The following KIF15 variants were observed in gnomAD, a reference collection of about 807,000 sequenced individuals.
KIF15 encodes the protein kinesin-like protein KIF15.
In KIF15, 140 loss-of-function variants were observed where a neutral mutation model predicts 190.6. That is an observed-to-expected ratio of 0.73 (90% CI 0.64 to 0.84). The LOEUF is 0.84. KIF15 is among the 40% of genes least tolerant of loss of function. The pLI is 0.00. For synonymous variants in KIF15, 528 were observed against 551.3 expected (o/e 0.96, Z 0.59); for missense variants, 1,372 against 1,584.4 (o/e 0.87, Z 2.28).
At chr3:44,764,083 G>T (rs1705282761) in intron 1 of KIF15, among the ~76,000 whole-genome samples, 1 of 152,200 alleles carries the variant, frequency 6.6e-6, no homozygotes, top group Non-Finnish European at 1.5e-5. Flanking sequence ...CTGTTTTAAA[G>T]CAGGAAGACT....
chr3:44,810,799 C>A, intron 16 of KIF15, 47 bp from the exon 17 acceptor site: 1 of 1,437,790 alleles, frequency 7.0e-7, no homozygotes. Flanking sequence ...TAAATATGCC[C>A]TTTTTAAATA....
intron 26 of KIF15, among the ~76,000 whole-genome samples, chr3:44,834,080 A>G (rs767540316): frequency 3.9e-5 from 6 of 152,162 alleles, no homozygotes; most frequent in Non-Finnish European, 7.4e-5. Context: ...GACTACGAAT[A>G]TTGTATTTAG....
chr3:44,790,971 G>A (rs937443852), intron 7 of KIF15, among the ~76,000 whole-genome samples: 3 of 152,152 alleles, frequency 2.0e-5, no homozygotes, highest in Non-Finnish European at 4.4e-5. Context: ...GCGAGCCACT[G>A]GGCCCGGCCC....
intron 1 of KIF15, among the ~76,000 whole-genome samples, chr3:44,763,143 A>T (rs1457703630): frequency 6.6e-6 from 1 of 152,114 alleles, no homozygotes; most frequent in East Asian, 1.9e-4. Context: ...CACTCCTTTA[A>T]GTTTGTTGGC....
intron 29 of KIF15, 48 bp from the exon 30 acceptor site, chr3:44,843,077 A>G: frequency 7.0e-7 from 1 of 1,419,218 alleles, no homozygotes; most frequent in Non-Finnish European, 9.8e-7. Context: ...AGCTAAATGA[A>G]GCCTACTGTA....
At chr3:44,834,802 A>G (rs1261482128) in intron 26 of KIF15, among the ~76,000 whole-genome samples, 2 of 151,372 alleles carry the variant, frequency 1.3e-5, no homozygotes, top group Non-Finnish European at 3.0e-5. Context: ...GCGTGGTGGC[A>G]CGTGCCTATA....
chr3:44,814,341 C>T (rs1478393414), intron 19 of KIF15, among the ~76,000 whole-genome samples: 1 of 152,104 alleles, frequency 6.6e-6, no homozygotes, highest in African/African-American at 2.4e-5. Context: ...CAGAGTCTCA[C>T]TTTGTCACCC....
At chr3:44,861,927 G>A in intron 6 of KIF15, 1 of 1,444,558 alleles carries the variant, frequency 6.9e-7, no homozygotes, top group Non-Finnish European at 9.1e-7. Context: ...CAGGCAACAT[G>A]GCCGAGAGGC....
At chr3:44,799,650 C>G (rs561658689) in intron 10 of KIF15, among the ~76,000 whole-genome samples, 12 of 150,564 alleles carry the variant, frequency 8.0e-5, no homozygotes, top group Admixed American at 8.0e-4. Flanking sequence ...CTCTTGACAT[C>G]CTGCCCCACA....
intron 32 of KIF15, 23 bp downstream of exon 32, chr3:44,848,581 T>A: frequency 8.7e-7 from 1 of 1,145,274 alleles, no homozygotes; most frequent in Non-Finnish European, 1.3e-6. Context: ...TTTTGTAATT[T>A]AAAATCTTGA....
chr3:44,774,379 C>CTT lies in KIF15; in HGVS notation c.20-6_20-5dup, dbSNP rs112868991. The CTT allele has an allele frequency of 3.3e-5, 41 of 1,250,410 alleles. No homozygotes were observed. The highest frequency in any genetic ancestry group is 1.2e-4 in the South Asian group (8 of 69,052). The allele number at this position is 1,250,410 out of a possible 1,614,324, so 77.5% of individuals were successfully genotyped here. ...TTACAATTTAAATGACCTTTAATAA[C>CTT]TTTTTTTTTTTCTAGCTGAGTTACG... On this transcript the variant is annotated splice_polypyrimidine_tract_variant and intron_variant, in intron 1 of 34. Transcript: ENST00000326047.
chr3:44,850,924 A>T lies in KIF15; in HGVS notation c.3807-863A>T, dbSNP rs939239878. Among the ~76,000 whole-genome samples the T allele has an allele frequency of 2.6e-5, 4 of 152,334 alleles. No individual in the cohort carries two copies. The South Asian group carries it at 8.3e-4, about 32-fold the overall frequency. ...TTAGCTGGCCTTGAATGGTGTAATAATACATCATTTCAACAGTCAACATTA... is the reference window on the plus strand; with the variant it reads ...TTAGCTGGCCTTGAATGGTGTAATATTACATCATTTCAACAGTCAACATTA... On this transcript the variant is annotated intron_variant, in intron 32 of 34. Transcript: ENST00000326047.
In KIF15 at chr3:44,834,078, A is replaced by G. The variant is rs181911372; in HGVS notation, c.3171+3060A>G. On this transcript the variant is annotated intron_variant, in intron 26 of 34. Coordinates refer to ENST00000326047, the MANE Select transcript of KIF15 (RefSeq NM_020242.3). ...TCTTAAAAATAAAATGTGACTACGA[A>G]TATTGTATTTAGATTTAAATATCGT... Among the ~76,000 whole-genome samples the G allele has an allele frequency of 3.5e-3, 538 of 152,302 alleles. 1 individual carries two copies. Among genetic ancestry groups the G allele is most frequent in the African/African-American group, 0.013 (524 of 41,552 alleles).
chr3:44,814,963 G>A lies in KIF15; in HGVS notation c.2436G>A (p.Lys812=), dbSNP rs1350144859. Residue 812 remains lysine (K), a synonymous_variant, in exon 20 of 35, where the codon AAG becomes AAA. Transcript: ENST00000326047. ...GAGTAGTCCTTCATTCTGCTGACAA[G>A]GAGCTTTCTTCAGTGAAATTGGAAT... The part of the protein sequence containing the change: ...DLRVVLHSAD[K]ELSSVKLEYS... 6.2e-7 allele frequency: 1 copy of A among 1,612,650 alleles called. No individual in the cohort carries two copies. Among genetic ancestry groups the A allele is most frequent in the Admixed American group, 1.7e-5 (1 of 59,628 alleles).
At chr3:44,811,710 G>C (rs1707793742) in intron 17 of KIF15, among the ~76,000 whole-genome samples, 1 of 152,138 alleles carries the variant, frequency 6.6e-6, no homozygotes, top group African/African-American at 2.4e-5. Context: ...TAATATATTT[G>C]AAATAATGTG....
intron 1 of KIF15, 29 bp downstream of exon 1, chr3:44,761,913 C>G (rs566972291): frequency 1.2e-6 from 2 of 1,614,170 alleles, no homozygotes; most frequent in African/African-American, 1.3e-5. Flanking sequence ...CTTCGTTACC[C>G]TATTTTTGCC....
rs1167746326 is a variant in KIF15 at position 44,802,839 on chromosome 3, A to G, written c.1535A>G (p.Lys512Arg). Residue 512 changes from lysine (K) to arginine (R), a missense_variant, in exon 14 of 35, where the codon AAG (lysine) becomes AGG (arginine). Lys to Arg is a conservative substitution (Grantham distance 26). Coordinates refer to ENST00000326047, the MANE Select transcript of KIF15 (RefSeq NM_020242.3). ...EQIEHHPRVA[K>R]YAMENHSLRE... is the part of the protein sequence containing the mutation. Reference sequence around the variant, plus strand: ...ATAGAGCACCACCCCAGAGTTGCAAAGTATGCTATGGAAAATCATTCCCTC... The same window carrying G: ...ATAGAGCACCACCCCAGAGTTGCAAGGTATGCTATGGAAAATCATTCCCTC... 1.9e-6 allele frequency: 3 copies of G among 1,590,798 alleles called. No individual in the cohort carries two copies. Among genetic ancestry groups the G allele is most frequent in the Non-Finnish European group, 2.6e-6 (3 of 1,173,784 alleles).
chr3:44,784,822 T>TG lies in KIF15; in HGVS notation c.362-22dup, dbSNP rs112717903. ...CTCTTGGAATAGAATAAAAATCCAG[T>TG]GTTTTTTTTTTCATTTTTTTAGGAC... On this transcript the variant is annotated intron_variant, in intron 5 of 34. Transcript: ENST00000326047. 2.1e-4 allele frequency: 207 copies of TG among 974,568 alleles called. 2 individuals are homozygous for TG. The African/African-American group carries it at 3.8e-3, about 18-fold the overall frequency. 60.4% of individuals were successfully genotyped at this position (974,568 alleles called of 1,614,324 possible). A position where few individuals can be genotyped will look rare whatever the true frequency, so the allele number is the denominator to read the frequency against.
chr3:44,797,526 T>C (rs755877727), intron 8 of KIF15, 25 bp from the exon 9 acceptor site: 1 of 1,608,088 alleles, frequency 6.2e-7, no homozygotes, highest in Non-Finnish European at 8.5e-7. Context: ...ACCTAAATTT[T>C]TGTTCTTTTC....
Sources: allele counts gnomAD v4.1 joint callset (sites outside exome capture counted in the v4.1 genomes callset), GRCh38; gene constraint gnomAD v4.1.1; transcripts MANE v1.5; gene names NCBI Gene and HGNC (gene_info 2026-07-23, HGNC 2026-07-21).